The following MICB variants were observed in gnomAD, a reference collection of about 807,000 sequenced individuals.
The protein encoded by MICB is MHC class I antigen-related protein B.
A neutral mutation model predicts 34.3 loss-of-function variants in MICB; 27 were observed. The observed-to-expected ratio is 0.79, with a 90% CI of 0.58 to 1.08. MICB has a LOEUF of 1.08. Among genes scored for constraint, MICB ranks in the 50% least tolerant of loss-of-function variants. The probability of loss-of-function intolerance (pLI) is 0.00; values close to 1 mark genes in which losing one functional copy is unlikely to be tolerated. For synonymous variants in MICB, 153 were observed against 187.4 expected, an observed-to-expected ratio of 0.82 and a Z score of 1.50; for missense variants, 426 against 483.1, an observed-to-expected ratio of 0.88 and a Z score of 1.11.
chr6:31,500,818 C>T (rs1395864426), intron 1 of MICB, among the ~76,000 whole-genome samples: 1 of 152,204 alleles, frequency 6.6e-6, no homozygotes, highest in East Asian at 1.9e-4. Flanking sequence ...TTTCTTTCTC[C>T]ATTCGTCTGT....
Position 31,507,978 on chromosome 6 carries a change from G to T in MICB, c.1024+447G>T, listed in dbSNP as rs1765450161. Among the ~76,000 whole-genome samples the T allele has an allele frequency of 6.6e-6, 1 of 152,146 alleles. No individual in the cohort carries two copies. ...GGCCAGAAACTGGAGAGGAATCCAA[G>T]GAGAGGCGATGCCCACCCGTGTGCC... On this transcript the variant is annotated intron_variant, in intron 5 of 5. Coordinates refer to ENST00000252229, the MANE Select transcript of MICB (RefSeq NM_005931.5). This position sits in a 1 kb window ranked among gnomAD's most constrained non-coding sequence, Gnocchi z 6.0.
chr6:31,502,838 C>T (rs1228354412), intron 1 of MICB, among the ~76,000 whole-genome samples: 1 of 152,140 alleles, frequency 6.6e-6, no homozygotes, highest in Non-Finnish European at 1.5e-5. Flanking sequence ...AAAGAAAAGG[C>T]TTTCAGTTTT....
intron 1 of MICB, 47 bp downstream of exon 1, chr6:31,498,310 C>A (rs1007771130): frequency 2.0e-6 from 3 of 1,471,542 alleles, no homozygotes; most frequent in East Asian, 5.8e-5. Context: ...AGCGGCGGGG[C>A]GTTTCCGGGG....
chr6:31,505,076 A>G (rs1437090079), intron 1 of MICB, among the ~76,000 whole-genome samples: 1 of 151,940 alleles, frequency 6.6e-6, no homozygotes, highest in Non-Finnish European at 1.5e-5. Context: ...TGACCCCACT[A>G]TAAACTTCAC....
At chr6:31,497,889 A>C (rs144823559), upstream of MICB, among the ~76,000 whole-genome samples, 11 of 152,008 alleles carry the variant, frequency 7.2e-5, no homozygotes, top group East Asian at 1.9e-3. Context: ...ATAAGTTTGG[A>C]GCTGTACTCT....
At chr6:31,496,326 G>A (rs539636973), upstream of MICB, among the ~76,000 whole-genome samples, 12 of 151,564 alleles carry the variant, frequency 7.9e-5, no homozygotes, top group South Asian at 1.7e-3. Flanking sequence ...TTGTGCCACC[G>A]TCACCACTAT....
chr6:31,509,652 A>G lies in MICB; in HGVS notation c.1025-130A>G, dbSNP rs17207043. On this transcript the variant is annotated intron_variant, in intron 5 of 5. Transcript: ENST00000252229. ...AAAAGCAAGGAGGGAGGAAGAAAAAAGTGGGGGCCTCATCTTCTCTCAGAG... is the reference window on the plus strand; with the variant it reads ...AAAAGCAAGGAGGGAGGAAGAAAAAGGTGGGGGCCTCATCTTCTCTCAGAG... 2.4e-3 allele frequency: 2,772 copies of G among 1,177,068 alleles called. 44 individuals carry two copies. The African/African-American group carries it at 0.037, about 16-fold the overall frequency. 72.9% of individuals were successfully genotyped at this position (1,177,068 alleles called of 1,614,324 possible). A position where few individuals can be genotyped will look rare whatever the true frequency, so the allele number is the denominator to read the frequency against.
chr6:31,498,116 A>T, upstream of MICB: 1 of 1,284,532 alleles, frequency 7.8e-7, no homozygotes. Context: ...CAGGTGACTA[A>T]ATTTCGACGG....
At position 31,505,708 on chromosome 6, in the gene MICB, G is replaced by A; in HGVS notation, c.162G>A (p.Gln54=). Reference sequence around the variant, plus strand: ...TCGCTGAGGGACATCTGGATGGTCAGCCCTTCCTGCGCTATGACAGGCAGA... The same window carrying A: ...TCGCTGAGGGACATCTGGATGGTCAACCCTTCCTGCGCTATGACAGGCAGA... ...GFLAEGHLDG[Q]PFLRYDRQKR... Residue 54 remains glutamine, a synonymous_variant, in exon 2 of 6, where the codon CAG becomes CAA. Coordinates refer to ENST00000252229, the MANE Select transcript of MICB (RefSeq NM_005931.5). 6.2e-7 allele frequency: 1 copy of A among 1,613,118 alleles called. No individual in the cohort carries two copies. Among genetic ancestry groups the A allele is most frequent in the East Asian group, 2.2e-5 (1 of 44,884 alleles).
upstream of MICB, among the ~76,000 whole-genome samples, chr6:31,495,886 T>TA (rs1464283791): frequency 6.9e-6 from 1 of 144,846 alleles, no homozygotes; most frequent in Non-Finnish European, 1.5e-5. Context: ...ACTCCTCTCT[T>TA]AAAAAAATAA....
chr6:31,496,695 C>A (rs1764687714), upstream of MICB: 1 of 147,670 alleles, frequency 6.8e-6, no homozygotes, highest in Non-Finnish European at 1.5e-5. Flanking sequence ...TTTTTAAAGG[C>A]TAGTCAAGTG....
chr6:31,506,290 C>G lies in MICB; in HGVS notation c.473C>G (p.Ala158Gly), dbSNP rs1765321019. The change falls in exon 3 of 6, where the codon GCT becomes GGT. Residue 158 changes from alanine to glycine, a missense_variant. Physicochemically the swap from Ala to Gly is moderately conservative, Grantham distance 60 (BLOSUM62 0). Transcript: ENST00000252229. ...TCGACAGTGCCCCAGTCCTCCAGAG[C>G]TCAGACCTTGGCTATGAACGTCACA... ...QESTVPQSSR[A>G]QTLAMNVTNF... 1 of 1,614,124 alleles carries G rather than the reference C, an allele frequency of 6.2e-7. No individual in the cohort carries two copies. The highest frequency in any genetic ancestry group is 1.3e-5 in the African/African-American group (1 of 74,944).
At position 31,510,261 on chromosome 6, in the gene MICB, TTG is replaced by T. The variant is rs1765598914; in HGVS notation, c.*354_*355del. 1 of 180,836 alleles carries T rather than the reference TTG, an allele frequency of 5.5e-6. No individual in the cohort carries two copies. The highest frequency in any genetic ancestry group is 1.1e-5 in the Non-Finnish European group (1 of 87,472). 11.2% of individuals were successfully genotyped at this position (180,836 alleles called of 1,614,324 possible). On this transcript the variant is annotated 3_prime_UTR_variant, in exon 6 of 6. Coordinates refer to ENST00000252229, the MANE Select transcript of MICB (RefSeq NM_005931.5). ...TATCTACTGGGTCATCTAGAGCCTA[TTG>T]TTTGAGGAATGCAGTCTTACAAGCC...
intron 1 of MICB, among the ~76,000 whole-genome samples, 154 bp downstream of exon 1, chr6:31,498,417 C>G (rs1764802688): frequency 7.0e-6 from 1 of 143,328 alleles, no homozygotes; most frequent in Non-Finnish European, 1.5e-5. Context: ...TCCCGCCACA[C>G]CTCAGCCCTG....
At chr6:31,504,635 CTGAT>C (rs28359835) in intron 1 of MICB, among the ~76,000 whole-genome samples, 22,616 of 152,028 alleles carry the variant, frequency 0.15, 1,869 homozygotes, top group Admixed American at 0.24. Flanking sequence ...CTTTCTCACT[CTGAT>C]TGTGCCCTTT....
At chr6:31,500,246 C>T (rs1349855241) in intron 1 of MICB, among the ~76,000 whole-genome samples, 1 of 151,880 alleles carries the variant, frequency 6.6e-6, no homozygotes, top group Non-Finnish European at 1.5e-5. Context: ...ATCTCCCCCT[C>T]TACCTTGGTT....
At chr6:31,499,318 C>T (rs1255828906) in intron 1 of MICB, among the ~76,000 whole-genome samples, 1 of 152,046 alleles carries the variant, frequency 6.6e-6, no homozygotes, top group South Asian at 2.1e-4. Context: ...GCCCATCTTA[C>T]GGCGCCCTGG....
upstream of MICB, among the ~76,000 whole-genome samples, chr6:31,497,027 G>C (rs3828904): frequency 0.34 from 51,408 of 152,058 alleles, 8,840 homozygotes; most frequent in East Asian, 0.46. Context: ...CATCCACCAT[G>C]TGTGACATTC....
chr6:31,502,566 G>A (rs3095231), intron 1 of MICB, among the ~76,000 whole-genome samples: 121,951 of 151,956 alleles, frequency 0.8, 49,217 homozygotes, highest in East Asian at 0.91. Flanking sequence ...GCACATAGAA[G>A]TGCTATTGTT....
Sources: allele counts gnomAD v4.1 joint callset (sites outside exome capture counted in the v4.1 genomes callset), GRCh38; gene constraint gnomAD v4.1.1; non-coding constraint Gnocchi (gnomAD v3.1); transcripts MANE v1.5; gene names NCBI Gene and HGNC (gene_info 2026-07-23, HGNC 2026-07-21).